The following CNTN1 variants were observed in gnomAD, a reference collection of about 807,000 sequenced individuals.
The protein encoded by CNTN1 is contactin-1.
Under a neutral mutation model 126.4 loss-of-function variants are expected in CNTN1, and 38 were observed. The observed-to-expected ratio is 0.30, with a 90% CI of 0.23 to 0.39. CNTN1 has a LOEUF of 0.39. Ranked by LOEUF, CNTN1 falls within the 10% of genes least tolerant of loss-of-function variation. The probability of loss-of-function intolerance (pLI) is 1.00; values close to 1 mark genes in which losing one functional copy is unlikely to be tolerated. For missense variants in CNTN1, 1,009 were observed against 1,248.4 expected (o/e 0.81, Z 2.89); for synonymous variants, 413 against 422.6 (o/e 0.98, Z 0.28).
chr12:40,790,422 C>A (rs545493379), intron 1 of CNTN1, among the ~76,000 whole-genome samples: 1 of 152,180 alleles, frequency 6.6e-6, no homozygotes, highest in African/African-American at 2.4e-5. Context: ...GAAAACTTGA[C>A]CCCTAGATTA....
At chr12:40,838,780 A>G (rs1412318231) in intron 1 of CNTN1, among the ~76,000 whole-genome samples, 5 of 152,202 alleles carry the variant, frequency 3.3e-5, no homozygotes, top group Admixed American at 3.3e-4. Flanking sequence ...GTTCTCCCCT[A>G]CACAAGTAAA....
chr12:40,810,079 T>C (rs942722713), intron 1 of CNTN1, among the ~76,000 whole-genome samples: 26 of 152,068 alleles, frequency 1.7e-4, no homozygotes, highest in African/African-American at 6.0e-4. Flanking sequence ...ATGCAAAAGT[T>C]TTTAGATAAG....
At chr12:41,053,274 C>A (rs980776222) in intron 23 of CNTN1, among the ~76,000 whole-genome samples, 2 of 150,192 alleles carry the variant, frequency 1.3e-5, no homozygotes, top group African/African-American at 4.9e-5. Flanking sequence ...GACATTCTTT[C>A]TTTTTATAGA....
intron 20 of CNTN1, among the ~76,000 whole-genome samples, chr12:41,023,745 G>A (rs538583859): frequency 7.9e-5 from 12 of 152,284 alleles, no homozygotes; most frequent in South Asian, 6.2e-4. Context: ...ATGGTGAGCC[G>A]AAACTGATTA....
At chr12:40,839,124 A>T (rs1942182531) in intron 1 of CNTN1, among the ~76,000 whole-genome samples, 1 of 152,194 alleles carries the variant, frequency 6.6e-6, no homozygotes, top group Non-Finnish European at 1.5e-5. Context: ...TTTTGAAGGA[A>T]AAACAAAATA....
At chr12:40,795,597 A>G (rs1361450976) in intron 1 of CNTN1, among the ~76,000 whole-genome samples, 1 of 152,076 alleles carries the variant, frequency 6.6e-6, no homozygotes, top group Admixed American at 6.6e-5. Flanking sequence ...ACACACACAT[A>G]TAATGCTTAT....
intron 16 of CNTN1, among the ~76,000 whole-genome samples, chr12:40,987,035 G>A (rs1369727996): frequency 6.6e-6 from 1 of 152,060 alleles, no homozygotes; most frequent in African/African-American, 2.4e-5. Flanking sequence ...TCTCTAATGG[G>A]CTTTGAAAGA....
At chr12:40,800,131 A>G (rs561016500) in intron 1 of CNTN1, among the ~76,000 whole-genome samples, 161 of 152,002 alleles carry the variant, frequency 1.1e-3, no homozygotes, top group African/African-American at 2.4e-3. Context: ...GGTGGAGGTA[A>G]TTGGATCATG....
chr12:40,847,400 A>G (rs966030548), intron 1 of CNTN1, among the ~76,000 whole-genome samples: 12 of 152,186 alleles, frequency 7.9e-5, no homozygotes, highest in African/African-American at 2.9e-4. Context: ...TTATCTTTTA[A>G]TTATATTTTT....
At chr12:40,801,010 G>GTTTTTTTTT (rs35813803) in intron 1 of CNTN1, among the ~76,000 whole-genome samples, 4 of 142,726 alleles carry the variant, frequency 2.8e-5, no homozygotes, top group African/African-American at 5.3e-5. Flanking sequence ...TCAAACTAGA[G>GTTTTTTTTT]TTTTGTTTTT....
chr12:40,965,913 T>C (rs1393937291), intron 15 of CNTN1, among the ~76,000 whole-genome samples: 5 of 152,028 alleles, frequency 3.3e-5, no homozygotes, highest in Non-Finnish European at 7.4e-5. Flanking sequence ...TTAAGTATTA[T>C]GTAGTTGAGA....
At chr12:40,744,816 T>C (rs533379178) in intron 1 of CNTN1, among the ~76,000 whole-genome samples, 2 of 152,238 alleles carry the variant, frequency 1.3e-5, no homozygotes, top group East Asian at 3.9e-4. Context: ...GATCTTTTGG[T>C]GCAAGAACTT....
intron 23 of CNTN1, among the ~76,000 whole-genome samples, chr12:41,054,244 G>A (rs1195543770): frequency 1.3e-5 from 2 of 151,706 alleles, no homozygotes; most frequent in Non-Finnish European, 3.0e-5. Flanking sequence ...AGGAGTTATA[G>A]CATCGATATT....
intron 18 of CNTN1, among the ~76,000 whole-genome samples, chr12:41,016,308 T>C (rs1231599623): frequency 6.6e-6 from 1 of 152,086 alleles, no homozygotes; most frequent in East Asian, 1.9e-4. Context: ...ACATGGAGCA[T>C]TGTGTTGGAG....
At chr12:40,903,986 G>C (rs942685839) in intron 1 of CNTN1, among the ~76,000 whole-genome samples, 1 of 152,066 alleles carries the variant, frequency 6.6e-6, no homozygotes. Context: ...CAAAGCCCCA[G>C]TAATAGACAT....
Position 40,857,583 on chromosome 12 carries a change from CAGTAG to C in CNTN1, c.-76-50771_-76-50767del, listed in dbSNP as rs1250439624. 2.0e-5 allele frequency among the ~76,000 whole-genome samples: 3 copies of C among 152,112 alleles called. No homozygotes were observed. In the East Asian group the frequency reaches 5.8e-4, roughly 29 times the overall value. ...AATAGACAGAACTATGGTGCTGCTCCAGTAGAGAAATGAAGTTGCTTCCCGTGGAA... is the reference window on the plus strand; with the variant it reads ...AATAGACAGAACTATGGTGCTGCTCCAGAAATGAAGTTGCTTCCCGTGGAA... On this transcript the variant is annotated intron_variant, in intron 1 of 23. Coordinates refer to ENST00000551295, the MANE Select transcript of CNTN1 (RefSeq NM_001843.4).
In CNTN1 at chr12:40,929,885, C is replaced by G. The variant is rs750578149; in HGVS notation, c.586C>G (p.Leu196Val). Reference protein sequence around the residue: ...RRFVSQTNGNLYIANVEASDK... With the variant: ...RRFVSQTNGNVYIANVEASDK... ...ATTTGTGTCTCAGACAAATGGCAAT[C>G]TCTACATTGCAAATGTTGAGGCTTC... is the stretch of plus-strand genomic sequence containing the variant. The change falls in exon 7 of 24, where the codon CTC becomes GTC. Residue 196 changes from leucine to valine, a missense_variant. Physicochemically the swap from Leu to Val is conservative, Grantham distance 32. Coordinates refer to ENST00000551295, the MANE Select transcript of CNTN1 (RefSeq NM_001843.4). 6.2e-7 allele frequency: 1 copy of G among 1,612,612 alleles called. No individual in the cohort carries two copies. The highest frequency in any genetic ancestry group is 8.5e-7 in the Non-Finnish European group (1 of 1,178,868).
Position 40,898,101 on chromosome 12 carries a change from T to G in CNTN1, c.-76-10256T>G, listed in dbSNP as rs144818666. ...GAACAATAATTTGTTTTTAGTAATTTCTCAATAAACATATTCAACAGATTT... is the reference window on the plus strand; with the variant it reads ...GAACAATAATTTGTTTTTAGTAATTGCTCAATAAACATATTCAACAGATTT... On this transcript the variant is annotated intron_variant, in intron 1 of 23. Transcript: ENST00000551295. 6.4e-4 allele frequency among the ~76,000 whole-genome samples: 97 copies of G among 152,320 alleles called. 1 individual carries two copies. In the East Asian group the frequency reaches 0.017, roughly 27 times the overall value.
At chr12:41,067,628 AG>A (rs71434345) in intron 23 of CNTN1, among the ~76,000 whole-genome samples, 2 of 43,788 alleles carry the variant, frequency 4.6e-5, no homozygotes, top group Admixed American at 3.2e-4. Context: ...GGGGTGGGGG[AG>A]GGGGGAGGGA....
Sources: gnomAD v4.1 joint callset for allele counts (sites outside exome capture counted in the v4.1 genomes callset) on GRCh38, gnomAD v4.1.1 for gene constraint, MANE v1.5 for transcripts, NCBI Gene and HGNC (gene_info 2026-07-23, HGNC 2026-07-21) for gene names.